The following TKFC variants were observed in gnomAD, a reference collection of about 807,000 sequenced individuals.
TKFC encodes triokinase and FMN cyclase.
In TKFC, 46 loss-of-function variants were observed where a neutral mutation model predicts 61.0. The observed-to-expected ratio is 0.75, with a 90% CI of 0.60 to 0.96. The LOEUF (loss-of-function observed/expected upper bound fraction) is 0.96, where lower values mean the gene tolerates loss of function less well. Among genes scored for constraint, TKFC ranks in the 50% least tolerant of loss-of-function variants. TKFC has a pLI of 0.00. For missense variants in TKFC, 715 were observed against 777.5 expected (o/e 0.92, Z 0.96); for synonymous variants, 314 against 330.1 (o/e 0.95, Z 0.53).
chr11:61,343,037 C>T (rs1257897306), intron 10 of TKFC, 193 bp downstream of exon 10: 1 of 633,282 alleles, frequency 1.6e-6, no homozygotes, highest in Non-Finnish European at 2.7e-6. Flanking sequence ...ATAATGGTAC[C>T]TGCTTTATAC....
rs1294701829 is a variant in TKFC, at chr11:61,339,192, AG to A, written c.304+18del. Reference sequence around the variant, plus strand: ...GCCGGCACAGGTAAGCCTGGCATGCAGGAGGGGCTGCGGCAGGGAGGGCACA... The same window carrying A: ...GCCGGCACAGGTAAGCCTGGCATGCAGAGGGGCTGCGGCAGGGAGGGCACA... On this transcript the variant is annotated intron_variant, in intron 4 of 17. Transcript: ENST00000394900. 1 of 1,613,006 alleles carries A rather than the reference AG, an allele frequency of 6.2e-7. No homozygotes were observed. The highest frequency in any genetic ancestry group is 8.5e-7 in the Non-Finnish European group (1 of 1,179,482).
At chr11:61,352,457 C>T (rs903398211), downstream of TKFC, 5 of 160,872 alleles carry the variant, frequency 3.1e-5, no homozygotes, top group East Asian at 1.9e-4. Flanking sequence ...GTCAGGAGTC[C>T]GAGACCAGCC....
At position 61,345,894 on chromosome 11, in the gene TKFC, C is replaced by A; in HGVS notation, c.1523C>A (p.Ala508Asp). The A allele has an allele frequency of 1.2e-6, 2 of 1,614,106 alleles. No homozygotes were observed. The highest frequency in any genetic ancestry group is 1.7e-6 in the Non-Finnish European group (2 of 1,180,018). ...TGGGCAGCGGGGCAGGAGCTCCAAG[C>A]CTGGAAGAGCCCAGGAGCTGATCTG... ...SLWAAGQELQ[A>D]WKSPGADLLQ... Residue 508 changes from alanine to aspartate, a missense_variant, in exon 17 of 18, where the codon GCC (alanine) becomes GAC (aspartate). Physicochemically the swap from Ala to Asp is moderately radical, Grantham distance 126. Coordinates refer to ENST00000394900, the MANE Select transcript of TKFC (RefSeq NM_015533.4).
At chr11:61,343,020 G>A in intron 10 of TKFC, 176 bp downstream of exon 10, 1 of 660,626 alleles carries the variant, frequency 1.5e-6, no homozygotes. Flanking sequence ...GCAAATTGGG[G>A]GTAATAATAA....
rs1158610384 is a variant in TKFC, at chr11:61,337,949, G to A, written c.12G>A (p.Lys4=). 6.2e-7 allele frequency: 1 copy of A among 1,606,634 alleles called. No homozygotes were observed. Among genetic ancestry groups the A allele is most frequent in the Non-Finnish European group, 8.5e-7 (1 of 1,177,004 alleles). ...TCACTCCTCCCTTGCAGACCTCCAA[G>A]AAGCTGGTGAACTCGGTGGCTGGCT... is the stretch of plus-strand genomic sequence containing the variant. MTS[K]KLVNSVAGCA... The change falls in exon 3 of 18, where the codon AAG becomes AAA. Residue 4 remains lysine (K), a synonymous_variant. Transcript: ENST00000394900.
intron 7 of TKFC, 116 bp from the exon 8 acceptor site, chr11:61,342,345 A>G (rs924352780): frequency 3.0e-6 from 4 of 1,336,610 alleles, no homozygotes; most frequent in Non-Finnish European, 4.3e-6. Context: ...GTCCATTTCC[A>G]TCCCCCACTC....
At chr11:61,350,550 G>T (rs1736797543), downstream of TKFC, 1 of 1,208,780 alleles carries the variant, frequency 8.3e-7, no homozygotes, top group African/African-American at 1.5e-5. Context: ...CCTCAGGGAA[G>T]CCCCAAAGTC....
downstream of TKFC, chr11:61,353,013 C>T (rs1857489598): frequency 6.2e-7 from 1 of 1,614,006 alleles, no homozygotes; most frequent in African/African-American, 1.3e-5. Flanking sequence ...TCATTAATGC[C>T]CGAAATGACG....
At chr11:61,349,765 T>A, downstream of TKFC, 1 of 653,456 alleles carries the variant, frequency 1.5e-6, no homozygotes, top group East Asian at 2.8e-5. Flanking sequence ...TCCCCCTTTC[T>A]GCAATCACCC....
At position 61,346,713 on chromosome 11, in the gene TKFC, A is replaced by G; in HGVS notation, c.*210A>G. ...GAGTGGGTCCCCATGCCTCTCCAGC[A>G]TGCCCTTTCCCTTTGCAGGAGGGTG... is the stretch of plus-strand genomic sequence containing the variant. On this transcript the variant is annotated 3_prime_UTR_variant, in exon 18 of 18. Coordinates refer to ENST00000394900, the MANE Select transcript of TKFC (RefSeq NM_015533.4). This position sits in a 1 kb window ranked among gnomAD's most constrained non-coding sequence, Gnocchi z 4.1. 1 of 1,355,118 alleles carries G rather than the reference A, an allele frequency of 7.4e-7. No homozygotes were observed. 83.9% of individuals were successfully genotyped at this position (1,355,118 alleles called of 1,614,324 possible). A position where few individuals can be genotyped will look rare whatever the true frequency, so the allele number is the denominator to read the frequency against.
downstream of TKFC, chr11:61,352,982 C>T (rs201650207): frequency 2.4e-5 from 39 of 1,614,116 alleles, no homozygotes; most frequent in East Asian, 8.2e-4. Flanking sequence ...CCACTGCACT[C>T]ACAAACTGAA....
chr11:61,351,153 G>C (rs1351932226), downstream of TKFC: 2 of 1,605,666 alleles, frequency 1.2e-6, no homozygotes, highest in South Asian at 1.1e-5. Flanking sequence ...TTTTCCTGAA[G>C]ATGACAAAAC....
At position 61,338,591 on chromosome 11, in the gene TKFC, G is replaced by A. The variant is rs542761964; in HGVS notation, c.193+461G>A. Among the ~76,000 whole-genome samples the A allele has an allele frequency of 4.1e-4, 63 of 152,246 alleles. No homozygotes were observed. The South Asian group carries it at 0.012, about 29-fold the overall frequency. On this transcript the variant is annotated intron_variant, in intron 3 of 17. Transcript: ENST00000394900. ...CTGGAGGGCAGGGACTAGGATGCGCGTCATTTCTCTGCTTCCTGTCTTCCT... is the reference window on the plus strand; with the variant it reads ...CTGGAGGGCAGGGACTAGGATGCGCATCATTTCTCTGCTTCCTGTCTTCCT...
chr11:61,343,656 GAGGCCTGACCCTTT>G (rs1856972711), intron 11 of TKFC, 186 bp from the exon 12 acceptor site: 1 of 913,250 alleles, frequency 1.1e-6, no homozygotes, highest in African/African-American at 1.7e-5. Context: ...CCTCCTCAGA[GAGGCCTGACCCTTT>G]CCCAGGGACC....
intron 10 of TKFC, 107 bp downstream of exon 10, chr11:61,342,951 A>T: frequency 8.6e-7 from 1 of 1,166,334 alleles, no homozygotes; most frequent in Admixed American, 2.2e-5. Context: ...GCCTGAGTTA[A>T]ATCGTCTCTC....
Position 61,345,241 on chromosome 11 carries a change from C to T in TKFC, c.1241-19C>T. ...GAGGGAGGATCTCTGAATTCCTCCC[C>T]ATCTCTCTCTGCCTGCAGCAATCCA... On this transcript the variant is annotated intron_variant, in intron 13 of 17. Transcript: ENST00000394900. 6.6e-7 allele frequency: 1 copy of T among 1,516,146 alleles called. No homozygotes were observed. The highest frequency in any genetic ancestry group is 2.3e-5 in the East Asian group (1 of 43,832). The allele number at this position is 1,516,146 out of a possible 1,614,324, so 93.9% of individuals were successfully genotyped here. A position where few individuals can be genotyped will look rare whatever the true frequency, so the allele number is the denominator to read the frequency against.
chr11:61,343,908 T>C lies in TKFC; in HGVS notation c.1035T>C (p.Thr345=), dbSNP rs749051782. The change falls in exon 12 of 18, where the codon ACT becomes ACC. Residue 345 remains threonine (T), a synonymous_variant. Transcript: ENST00000394900. The part of the protein sequence containing the change: ...AWPNVAAVSI[T]GRKRSRVAPA... ...CTAACGTGGCTGCAGTCTCCATTACTGGGCGGAAGCGGAGCCGGGTAGCCC... is the reference window on the plus strand; with the variant it reads ...CTAACGTGGCTGCAGTCTCCATTACCGGGCGGAAGCGGAGCCGGGTAGCCC... The C allele has an allele frequency of 6.2e-7, 1 of 1,611,234 alleles. No homozygotes were observed. The highest frequency in any genetic ancestry group is 1.1e-5 in the South Asian group (1 of 91,078).
rs953675630 is a variant in TKFC, at chr11:61,346,066, A to G, written c.1575+120A>G. 1.9e-5 allele frequency: 22 copies of G among 1,180,762 alleles called. No individual in the cohort carries two copies. The highest frequency in any genetic ancestry group is 6.1e-5 in the African/African-American group (4 of 65,408). The allele number at this position is 1,180,762 out of a possible 1,614,324, so 73.1% of individuals were successfully genotyped here. On this transcript the variant is annotated intron_variant, in intron 17 of 17. Coordinates refer to ENST00000394900, the MANE Select transcript of TKFC (RefSeq NM_015533.4). This position sits in a 1 kb window ranked among gnomAD's most constrained non-coding sequence, Gnocchi z 4.1. ...GGACCGCAGTTTCCTTCTCTGTACA[A>G]TGGAGATGAGCACCTATCTCAGAAG... is the stretch of plus-strand genomic sequence containing the variant.
At position 61,347,957 on chromosome 11, in the gene TKFC, T is replaced by A. The variant is rs1296988572; in HGVS notation, c.*1454T>A. The A allele has an allele frequency of 2.0e-6, 2 of 985,142 alleles. No homozygotes were observed. Among genetic ancestry groups the A allele is most frequent in the Non-Finnish European group, 2.4e-6 (2 of 829,850 alleles). The allele number at this position is 985,142 out of a possible 1,614,324, so 61.0% of individuals were successfully genotyped here. ...CCTCCCAGGTCATCTGCTCTACCACTAGCTGGTAGGAAAGAGCCTCCTGCC... is the reference window on the plus strand; with the variant it reads ...CCTCCCAGGTCATCTGCTCTACCACAAGCTGGTAGGAAAGAGCCTCCTGCC... On this transcript the variant is annotated 3_prime_UTR_variant, in exon 18 of 18. Transcript: ENST00000394900.
Sources: gnomAD v4.1 joint callset for allele counts (sites outside exome capture counted in the v4.1 genomes callset) on GRCh38, gnomAD v4.1.1 for gene constraint, Gnocchi (gnomAD v3.1) non-coding constraint, MANE v1.5 for transcripts, NCBI Gene and HGNC (gene_info 2026-07-23, HGNC 2026-07-21) for gene names.